The following CLEC6A variants were observed in gnomAD, a reference collection of about 807,000 sequenced individuals.
CLEC6A encodes C-type lectin domain containing 6A.
In CLEC6A, 22 loss-of-function variants were observed where a neutral mutation model predicts 25.7. The ratio of observed to expected loss-of-function variants is 0.85; its 90% CI spans 0.61 to 1.22. CLEC6A has a LOEUF of 1.22. Ranked by LOEUF, CLEC6A falls within the 50% of genes most tolerant of loss-of-function variation. CLEC6A has a pLI of 0.00. For synonymous variants in CLEC6A, 92 were observed against 76.7 expected (o/e 1.20, Z -1.04); for missense variants, 240 against 236.8 (o/e 1.01, Z -0.09).
At chr12:8,465,161 G>A (rs7315590) in intron 3 of CLEC6A, among the ~76,000 whole-genome samples, 128 of 152,028 alleles carry the variant, frequency 8.4e-4, no homozygotes, top group Admixed American at 4.1e-3. Flanking sequence ...TTCTAGGTTC[G>A]TCTGTGTTAG....
At position 8,476,137 on chromosome 12, in the gene CLEC6A, C is replaced by T. The variant is rs768668679; in HGVS notation, c.382C>T (p.Gln128Ter). ...TTCCTTCATGCAGAATTTCATTGTC[C>T]AGCAGCTGAATGAGTCATTTTCTTA... ...NTEAEQNFIV[Q>*]QLNESFSYFL... Residue 128 changes from glutamine to a stop codon, truncating the protein, a stop_gained, in exon 5 of 6, where the codon CAG (glutamine) becomes TAG (stop). Coordinates refer to ENST00000382073, the MANE Select transcript of CLEC6A (RefSeq NM_001007033.2). LOFTEE classifies it high-confidence loss of function. 6.2e-7 allele frequency: 1 copy of T among 1,606,118 alleles called. No homozygotes were observed. The highest frequency in any genetic ancestry group is 1.1e-5 in the South Asian group (1 of 90,690).
At chr12:8,458,087 A>G (rs1042531764) in intron 2 of CLEC6A, 100 bp downstream of exon 2, 1 of 738,614 alleles carries the variant, frequency 1.4e-6, no homozygotes, top group Non-Finnish European at 2.3e-6. Context: ...TTAATACGTC[A>G]GCTCTTACTT....
chr12:8,460,663 T>A, intron 3 of CLEC6A: 3 of 1,493,812 alleles, frequency 2.0e-6, no homozygotes, highest in Non-Finnish European at 2.8e-6. Flanking sequence ...AAAGAAGCAG[T>A]CTGATGTCAT....
chr12:8,460,995 A>G (rs1939746725), intron 3 of CLEC6A: 1 of 1,272,024 alleles, frequency 7.9e-7, no homozygotes, highest in African/African-American at 1.5e-5. Flanking sequence ...AAGATTCCAC[A>G]TAAAAATTTT....
chr12:8,461,055 T>C (rs753923447), intron 3 of CLEC6A: 119 of 1,594,568 alleles, frequency 7.5e-5, no homozygotes, highest in Non-Finnish European at 9.8e-5. Flanking sequence ...GAAGAAATCC[T>C]GACACCCAGT....
intron 4 of CLEC6A, among the ~76,000 whole-genome samples, chr12:8,475,349 T>C (rs1378183820): frequency 6.7e-6 from 1 of 150,012 alleles, no homozygotes; most frequent in Admixed American, 6.7e-5. Context: ...TATGTATGTG[T>C]GTGTGTGTGT....
intron 4 of CLEC6A, among the ~76,000 whole-genome samples, chr12:8,466,461 A>G (rs1371848994): frequency 6.6e-6 from 1 of 152,184 alleles, no homozygotes; most frequent in Non-Finnish European, 1.5e-5. Flanking sequence ...AGGAACCTTC[A>G]TACTGTTTTC....
chr12:8,466,836 G>T (rs1183605264), intron 4 of CLEC6A, among the ~76,000 whole-genome samples: 1 of 59,204 alleles, frequency 1.7e-5, no homozygotes, highest in Non-Finnish European at 4.3e-5. Flanking sequence ...TGTATTTTTA[G>T]TAAAGATGGG....
rs1939989141 is a variant in CLEC6A, at chr12:8,477,351, G to T, written c.517G>T (p.Ala173Ser). ...FWHLGEPNHS[A>S]EQCASIVFWK... ...GCACCTAGGTGAGCCCAATCATTCT[G>T]CAGAGCAATGTGCTTCAATAGTCTT... The change falls in exon 6 of 6, where the codon GCA becomes TCA. Residue 173 changes from alanine (A) to serine (S), a missense_variant. Ala to Ser is a moderately conservative substitution (Grantham distance 99). Coordinates refer to ENST00000382073, the MANE Select transcript of CLEC6A (RefSeq NM_001007033.2). 6.2e-7 allele frequency: 1 copy of T among 1,611,472 alleles called. No individual in the cohort carries two copies. The highest frequency in any genetic ancestry group is 8.5e-7 in the Non-Finnish European group (1 of 1,178,454).
chr12:8,462,186 C>T (rs1212151827), intron 3 of CLEC6A, among the ~76,000 whole-genome samples: 1 of 151,096 alleles, frequency 6.6e-6, no homozygotes, highest in Non-Finnish European at 1.5e-5. Context: ...AGAGTCATCA[C>T]CACTCCCTAA....
At chr12:8,461,522 A>G (rs146184730) in intron 3 of CLEC6A, among the ~76,000 whole-genome samples, 132 of 152,342 alleles carry the variant, frequency 8.7e-4, no homozygotes, top group African/African-American at 3.0e-3. Flanking sequence ...CCCTAAGTAT[A>G]TCCAATGTAA....
intron 4 of CLEC6A, among the ~76,000 whole-genome samples, chr12:8,473,487 C>T (rs1440867954): frequency 1.3e-5 from 2 of 152,020 alleles, no homozygotes; most frequent in Non-Finnish European, 2.9e-5. Context: ...TTGATAGGCA[C>T]CTAGGTCGAT....
chr12:8,467,871 G>A (rs1939855526), intron 4 of CLEC6A, among the ~76,000 whole-genome samples: 1 of 152,032 alleles, frequency 6.6e-6, no homozygotes, highest in Non-Finnish European at 1.5e-5. Context: ...TTTTTATAGT[G>A]CAAGTGCTTT....
At chr12:8,475,968 C>T (rs1939968221) in intron 4 of CLEC6A, among the ~76,000 whole-genome samples, 157 bp from the exon 5 acceptor site, 1 of 152,170 alleles carries the variant, frequency 6.6e-6, no homozygotes, top group South Asian at 2.1e-4. Flanking sequence ...GATATTGTTA[C>T]TTTTGGCCTG....
Position 8,467,828 on chromosome 12 carries a change from T to C in CLEC6A, c.369+2199T>C, listed in dbSNP as rs117133503. ...TGAGATGTATTTCCATTGATTTGTGTCCTCTTTGGTTTCCTTTATCAATGT... is the reference window on the plus strand; with the variant it reads ...TGAGATGTATTTCCATTGATTTGTGCCCTCTTTGGTTTCCTTTATCAATGT... On this transcript the variant is annotated intron_variant, in intron 4 of 5. Transcript: ENST00000382073. Among the ~76,000 whole-genome samples, 439 of 152,370 alleles carry C rather than the reference T, an allele frequency of 2.9e-3. 1 individual carries two copies. Among genetic ancestry groups the C allele is most frequent in the South Asian group, 0.02 (98 of 4,832 alleles).
intron 3 of CLEC6A, 84 bp from the exon 4 acceptor site, chr12:8,465,400 T>A: frequency 1.5e-6 from 2 of 1,313,282 alleles, no homozygotes; most frequent in Non-Finnish European, 2.1e-6. Flanking sequence ...ATTAAGAAAC[T>A]GTCTCTACAA....
In CLEC6A at chr12:8,456,013, G is replaced by T. The variant is rs892408516; in HGVS notation, c.-99G>T. On this transcript the variant is annotated 5_prime_UTR_variant, in exon 1 of 6. Coordinates refer to ENST00000382073, the MANE Select transcript of CLEC6A (RefSeq NM_001007033.2). ...AGAGTGTGTAGCAGTTTGTCCCTGA[G>T]CTCTAGCTTCTTTAAATGAAGCTGA... 20 of 1,127,848 alleles carry T rather than the reference G, an allele frequency of 1.8e-5. No individual in the cohort carries two copies. In the Admixed American group the frequency reaches 3.5e-4, roughly 20 times the overall value. The allele number at this position is 1,127,848 out of a possible 1,614,324, so 69.9% of individuals were successfully genotyped here.
intron 3 of CLEC6A, chr12:8,461,145 G>A: frequency 6.6e-7 from 1 of 1,511,002 alleles, no homozygotes; most frequent in Admixed American, 1.7e-5. Context: ...GCCTTGGAAA[G>A]GGCCATAAGT....
chr12:8,457,902 A>G lies in CLEC6A; in HGVS notation c.36A>G (p.Lys12=). 2 of 1,613,342 alleles carry G rather than the reference A, an allele frequency of 1.2e-6. No homozygotes were observed. Among genetic ancestry groups the G allele is most frequent in the Non-Finnish European group, 1.7e-6 (2 of 1,179,368 alleles). ...MQEQQPQSTE[K]RGWLSLRLWS... ...GTTGTCTTCCTGATTGGACAGAGAAAAGAGGCTGGTTGTCCCTGAGACTCT... is the reference window on the plus strand; with the variant it reads ...GTTGTCTTCCTGATTGGACAGAGAAGAGAGGCTGGTTGTCCCTGAGACTCT... Residue 12 remains lysine (K), a synonymous_variant, in exon 2 of 6, where the codon AAA becomes AAG. Transcript: ENST00000382073.
Sources: allele counts gnomAD v4.1 joint callset (sites outside exome capture counted in the v4.1 genomes callset), GRCh38; gene constraint gnomAD v4.1.1; transcripts MANE v1.5; gene names NCBI Gene and HGNC (gene_info 2026-07-23, HGNC 2026-07-21).